CLEC12A: variants seen among roughly 807,000 people sequenced by gnomAD.
CLEC12A encodes C-type lectin domain family 12 member A.
A neutral mutation model predicts 26.5 loss-of-function variants in CLEC12A; 22 were observed. That is an observed-to-expected ratio of 0.83 (90% CI 0.59 to 1.19). The LOEUF is 1.19. Ranked by LOEUF, CLEC12A falls within the 50% of genes most tolerant of loss-of-function variation. The pLI is 0.00. For missense variants in CLEC12A, 353 were observed against 315.6 expected (o/e 1.12, Z -0.90); for synonymous variants, 119 against 101.9 (o/e 1.17, Z -1.01).
At chr12:9,980,760 T>C (rs990684666) in intron 4 of CLEC12A, 27 bp downstream of exon 4, 37 of 1,610,712 alleles carry the variant, frequency 2.3e-5, no homozygotes, top group African/African-American at 1.2e-4. Context: ...TCTACCATCA[T>C]GGGATAGAGA....
chr12:9,971,740 T>C (rs1864136102), intron 1 of CLEC12A, 53 bp downstream of exon 1: 5 of 1,455,034 alleles, frequency 3.4e-6, no homozygotes, highest in East Asian at 4.7e-5. Context: ...GAAGTGGTTA[T>C]AGACTTGCAT....
intron 1 of CLEC12A, among the ~76,000 whole-genome samples, chr12:9,954,101 A>C (rs1158742875): frequency 6.7e-6 from 1 of 149,362 alleles, no homozygotes; most frequent in Non-Finnish European, 1.5e-5. Context: ...CTGCCTAGGA[A>C]AACCAGAGAC....
downstream of CLEC12A, among the ~76,000 whole-genome samples, chr12:9,987,748 GT>G (rs551821321): frequency 1.3e-5 from 2 of 151,706 alleles, no homozygotes; most frequent in Non-Finnish European, 1.5e-5. Flanking sequence ...GTTTTTGTTT[GT>G]TTTTTTGTTT....
downstream of CLEC12A, among the ~76,000 whole-genome samples, chr12:9,987,567 T>C (rs1864796231): frequency 6.6e-6 from 1 of 152,230 alleles, no homozygotes; most frequent in African/African-American, 2.4e-5. Context: ...AATTAACATT[T>C]ACTAAAAGAG....
chr12:9,998,550 C>T (rs1283267454), downstream of CLEC12A, among the ~76,000 whole-genome samples: 1 of 129,472 alleles, frequency 7.7e-6, no homozygotes, highest in Admixed American at 7.7e-5. Flanking sequence ...TAGGCATGGC[C>T]CACCCCTATA....
downstream of CLEC12A, chr12:9,996,902 G>C: frequency 6.2e-7 from 1 of 1,613,886 alleles, no homozygotes; most frequent in South Asian, 1.1e-5. Context: ...GTGCAGTACT[G>C]CTTACTCTCT....
At chr12:9,964,888 G>T (rs1863902479) in intron 1 of CLEC12A, among the ~76,000 whole-genome samples, 2 of 152,096 alleles carry the variant, frequency 1.3e-5, no homozygotes, top group South Asian at 2.1e-4. Context: ...TGAATGTCAG[G>T]TGAATCAGAG....
intron 4 of CLEC12A, chr12:9,991,535 T>C (rs1450260352): frequency 6.6e-6 from 1 of 152,136 alleles, no homozygotes; most frequent in African/African-American, 2.4e-5. Context: ...ATAAAAAACA[T>C]ACTGATACCA....
intron 4 of CLEC12A, chr12:9,993,042 G>A: frequency 9.5e-7 from 1 of 1,058,194 alleles, no homozygotes; most frequent in South Asian, 1.7e-5. Context: ...CCAGTGAGAA[G>A]AAAGGGAGAA....
At chr12:9,993,795 G>A (rs1864958865) in intron 4 of CLEC12A, among the ~76,000 whole-genome samples, 1 of 152,100 alleles carries the variant, frequency 6.6e-6, no homozygotes, top group Admixed American at 6.6e-5. Flanking sequence ...GTAATTGTCT[G>A]TTAAGTTATA....
chr12:9,979,446 A>T lies in CLEC12A; in HGVS notation c.301A>T (p.Asn101Tyr). Residue 101 changes from asparagine to tyrosine, a missense_variant, in exon 3 of 6, where the codon AAC (asparagine) becomes TAC (tyrosine). Transcript: ENST00000304361. ...ACTGATGAGTAACATGAATATCTCCAACAAGATCAGGAACCTCTCCACCAC... is the reference window on the plus strand; with the variant it reads ...ACTGATGAGTAACATGAATATCTCCTACAAGATCAGGAACCTCTCCACCAC... ...LQLMSNMNIS[N>Y]KIRNLSTTLQ... 1 of 1,613,432 alleles carries T rather than the reference A, an allele frequency of 6.2e-7. No individual in the cohort carries two copies. Among genetic ancestry groups the T allele is most frequent in the Non-Finnish European group, 8.5e-7 (1 of 1,179,620 alleles).
intron 1 of CLEC12A, among the ~76,000 whole-genome samples, chr12:9,975,311 T>C (rs1343111297): frequency 2.6e-5 from 4 of 152,156 alleles, no homozygotes; most frequent in African/African-American, 7.2e-5. Flanking sequence ...TGTGGGACAG[T>C]TTGGCACTTC....
At chr12:9,972,170 C>G (rs1401070604) in intron 1 of CLEC12A, among the ~76,000 whole-genome samples, 1 of 151,640 alleles carries the variant, frequency 6.6e-6, no homozygotes, top group African/African-American at 2.4e-5. Context: ...TCTCCTACTT[C>G]TTTTGGAGAT....
In CLEC12A at chr12:9,993,161, C is replaced by T. The variant is rs746441331; in HGVS notation, n.1005-1857C>T. The T allele has an allele frequency of 4.3e-6, 7 of 1,611,172 alleles. No individual in the cohort carries two copies. The Admixed American group carries it at 1.0e-4, about 23-fold the overall frequency. ...CTTTGCATTAAGGTAGTTGGTCCAC[C>T]TTGGTCATGCCAGCCTTCCTCTCAC... On this transcript the variant is annotated intron_variant and non_coding_transcript_variant, in intron 4 of 4. Transcript: ENST00000449959.
intron 1 of CLEC12A, among the ~76,000 whole-genome samples, chr12:9,965,239 T>C (rs1276031455): frequency 5.9e-5 from 9 of 152,036 alleles, no homozygotes; most frequent in Non-Finnish European, 4.4e-5. Context: ...CCAGCTCTTG[T>C]GTAAGAATTC....
At chr12:9,965,606 G>C (rs530688753) in intron 1 of CLEC12A, among the ~76,000 whole-genome samples, 6 of 152,120 alleles carry the variant, frequency 3.9e-5, no homozygotes, top group African/African-American at 1.4e-4. Flanking sequence ...GAGGATAGGA[G>C]AGTATATGGA....
chr12:9,978,869 G>C (rs973453798), intron 1 of CLEC12A, 97 bp from the exon 2 acceptor site: 2 of 868,086 alleles, frequency 2.3e-6, no homozygotes, highest in Admixed American at 1.9e-5. Flanking sequence ...GGCATATTAG[G>C]AAATAAAGGT....
upstream of CLEC12A, among the ~76,000 whole-genome samples, chr12:9,967,259 T>G (rs955874169): frequency 1.4e-5 from 2 of 142,636 alleles, no homozygotes; most frequent in Non-Finnish European, 3.0e-5. Context: ...TGGGATGAGT[T>G]GCATTGGGAA....
upstream of CLEC12A, among the ~76,000 whole-genome samples, chr12:9,966,952 G>C (rs1417871636): frequency 3.5e-5 from 5 of 143,788 alleles, no homozygotes; most frequent in Admixed American, 7.2e-5. Context: ...TAAAGAAAAA[G>C]GAACATTAAC....
Sources: gnomAD v4.1 joint callset for allele counts (sites outside exome capture counted in the v4.1 genomes callset) on GRCh38, gnomAD v4.1.1 for gene constraint, MANE v1.5 for transcripts, NCBI Gene and HGNC (gene_info 2026-07-23, HGNC 2026-07-21) for gene names.